Variants in TRPM3 observed in about 807,000 individuals in gnomAD.
TRPM3 encodes long transient receptor potential channel 3.
Under a neutral mutation model 181.2 loss-of-function variants are expected in TRPM3, and 77 were observed. The ratio of observed to expected loss-of-function variants is 0.42; its 90% confidence interval spans 0.35 to 0.51. TRPM3 has a LOEUF of 0.51. Among genes scored for constraint, TRPM3 ranks in the 20% least tolerant of loss-of-function variants. TRPM3 has a pLI of 0.01. For synonymous variants in TRPM3, 745 were observed against 796.4 expected (o/e 0.94, Z 1.09); for missense variants, 1,759 against 2,196.7 (o/e 0.80, Z 3.98).
chr9:71,009,554 C>T (rs988387502), intron 1 of TRPM3, among the ~76,000 whole-genome samples: 1 of 151,956 alleles, frequency 6.6e-6, no homozygotes, highest in African/African-American at 2.4e-5. Context: ...ACAATAAAAA[C>T]TATAAAACAC....
rs911275610 is a variant in TRPM3, at chr9:70,973,781, G to A, written c.178-109270C>T. Among the ~76,000 whole-genome samples the A allele has an allele frequency of 3.0e-4, 45 of 152,106 alleles. 1 individual carries two copies. Among genetic ancestry groups the A allele is most frequent in the African/African-American group, 1.1e-3 (45 of 41,428 alleles). On this transcript the variant is annotated intron_variant, in intron 1 of 25. Transcript: ENST00000677713. ...AAATTCACACTAACATCAATGGAAA[G>A]GGACTAAAAATTATAACAAAGATTA...
intron 1 of TRPM3, among the ~76,000 whole-genome samples, chr9:71,400,167 A>T (rs969223067): frequency 6.6e-6 from 1 of 152,120 alleles, no homozygotes; most frequent in Admixed American, 6.5e-5. Flanking sequence ...GGAGATTTTC[A>T]TTCATTCATT....
intron 9 of TRPM3, among the ~76,000 whole-genome samples, chr9:70,641,352 C>T (rs1353694709): frequency 4.6e-5 from 7 of 152,192 alleles, no homozygotes; most frequent in Non-Finnish European, 1.0e-4. Context: ...CTTCTGCTGG[C>T]CAATCACTGG....
chr9:71,387,420 A>T (rs1368402729), intron 1 of TRPM3, among the ~76,000 whole-genome samples: 1 of 152,174 alleles, frequency 6.6e-6, no homozygotes, highest in Non-Finnish European at 1.5e-5. Context: ...CAAAAGTGAC[A>T]GAATCCTAAA....
intron 1 of TRPM3, among the ~76,000 whole-genome samples, chr9:71,196,371 A>G (rs539064774): frequency 6.6e-6 from 1 of 152,096 alleles, no homozygotes; most frequent in South Asian, 2.1e-4. Flanking sequence ...TTTATCATGA[A>G]TCTACTCAAT....
Position 71,118,108 on chromosome 9 carries a change from G to A in TRPM3, c.177+3070C>T, listed in dbSNP as rs201025696. The stretch of plus-strand genomic sequence containing the variant: ...TGAAACACATAAGAATAAAGCAAAC[G>A]ACAACAGAAGAGAAATGATGTAGAA... On this transcript the variant is annotated intron_variant, in intron 1 of 25. Coordinates refer to ENST00000677713, the MANE Select transcript of TRPM3 (RefSeq NM_001366145.2). Among the ~76,000 whole-genome samples the A allele has an allele frequency of 5.9e-5, 9 of 152,274 alleles. No individual in the cohort carries two copies. In the East Asian group the frequency reaches 9.6e-4, roughly 16 times the overall value.
intron 1 of TRPM3, among the ~76,000 whole-genome samples, chr9:71,007,991 AT>A (rs909651974): frequency 2.0e-5 from 3 of 152,100 alleles, no homozygotes; most frequent in Non-Finnish European, 4.4e-5. Flanking sequence ...CGAAGAGTGC[AT>A]TTTTTGAAAA....
At chr9:71,209,715 T>A (rs1459387721) in intron 1 of TRPM3, among the ~76,000 whole-genome samples, 1 of 152,138 alleles carries the variant, frequency 6.6e-6, no homozygotes, top group Non-Finnish European at 1.5e-5. Context: ...CTAAGAATGG[T>A]TTTACATTAT....
chr9:71,097,793 T>C (rs1338499955), intron 1 of TRPM3, among the ~76,000 whole-genome samples: 1 of 152,112 alleles, frequency 6.6e-6, no homozygotes, highest in Non-Finnish European at 1.5e-5. Flanking sequence ...TGCCAACAGA[T>C]GAAATACTTC....
In TRPM3 at chr9:71,212,058, C is replaced by T. The variant is rs536416440; in HGVS notation, c.183+234595G>A. Among the ~76,000 whole-genome samples the T allele has an allele frequency of 1.5e-3, 235 of 152,284 alleles. 1 individual carries two copies. Among genetic ancestry groups the T allele is most frequent in the African/African-American group, 5.3e-3 (219 of 41,566 alleles). ...GCTGGGAAGACAGGGAGGTGGAGCT[C>T]ATCCTCTGCCTCCATGCTTCAGCCT... On this transcript the variant is annotated intron_variant, in intron 1 of 24. Coordinates refer to the TRPM3 transcript ENST00000357533.
At chr9:70,591,447 T>C (rs144004821) in intron 21 of TRPM3, among the ~76,000 whole-genome samples, 14 of 152,288 alleles carry the variant, frequency 9.2e-5, no homozygotes, top group African/African-American at 3.4e-4. Context: ...AGATGAAGCC[T>C]CTTCGTTTTT....
chr9:70,659,556 T>C (rs1280699787), intron 9 of TRPM3, among the ~76,000 whole-genome samples: 2 of 152,280 alleles, frequency 1.3e-5, no homozygotes, highest in Non-Finnish European at 2.9e-5. Context: ...CCAAGTATAA[T>C]AAAGCAAATC....
intron 6 of TRPM3, among the ~76,000 whole-genome samples, chr9:70,799,933 A>G (rs1404050160): frequency 6.6e-6 from 1 of 152,198 alleles, no homozygotes; most frequent in Non-Finnish European, 1.5e-5. Flanking sequence ...TGAAGACTTG[A>G]TACTTGATTG....
intron 1 of TRPM3, among the ~76,000 whole-genome samples, chr9:71,407,165 C>G (rs2093451584): frequency 6.6e-6 from 1 of 152,162 alleles, no homozygotes; most frequent in Admixed American, 6.5e-5. Context: ...ATGAGCGACA[C>G]AGAAGACAGG....
intron 1 of TRPM3, among the ~76,000 whole-genome samples, chr9:70,916,508 A>G (rs944308068): frequency 2.0e-5 from 3 of 152,196 alleles, no homozygotes; most frequent in Admixed American, 1.3e-4. Context: ...CACAAAGTTA[A>G]GGTGTAGAGT....
At chr9:71,234,635 C>T (rs2081258334) in intron 1 of TRPM3, among the ~76,000 whole-genome samples, 1 of 151,964 alleles carries the variant, frequency 6.6e-6, no homozygotes, top group African/African-American at 2.4e-5. Flanking sequence ...ATCCTAATCT[C>T]TTCTTCTTAT....
intron 1 of TRPM3, among the ~76,000 whole-genome samples, chr9:71,163,671 C>T (rs891171059): frequency 5.9e-5 from 9 of 151,848 alleles, no homozygotes; most frequent in Non-Finnish European, 1.2e-4. Flanking sequence ...AAGCCATGGG[C>T]GAGGATAAGC....
At chr9:71,180,050 C>CTTTTTTT (rs35877663) in intron 1 of TRPM3, among the ~76,000 whole-genome samples, 1,196 of 101,086 alleles carry the variant, frequency 0.012, 62 homozygotes, top group East Asian at 0.02. Flanking sequence ...ATACATCCTT[C>CTTTTTTT]TTTTTTTTTT....
At chr9:70,894,011 A>T (rs1468253611) in intron 1 of TRPM3, among the ~76,000 whole-genome samples, 1 of 152,216 alleles carries the variant, frequency 6.6e-6, no homozygotes, top group Non-Finnish European at 1.5e-5. Flanking sequence ...AATATATTGG[A>T]GGACAAAATG....
Sources: gnomAD v4.1 joint callset for allele counts (sites outside exome capture counted in the v4.1 genomes callset) on GRCh38, gnomAD v4.1.1 for gene constraint, MANE v1.5 for transcripts, NCBI Gene and HGNC (gene_info 2026-07-23, HGNC 2026-07-21) for gene names.